STPG2: variants seen among roughly 807,000 people sequenced by gnomAD.
STPG2 encodes the protein sperm-tail PG-rich repeat-containing protein 2.
Under a neutral mutation model 54.2 loss-of-function variants are expected in STPG2, and 56 were observed. That is an observed-to-expected ratio of 1.03 (90% CI 0.83 to 1.29). STPG2 has a LOEUF of 1.29. STPG2 is among the 50% of genes most tolerant of loss of function. STPG2 has a pLI of 0.00. For missense variants in STPG2, 596 were observed against 544.9 expected, an observed-to-expected ratio of 1.09 and a Z score of -0.93; for synonymous variants, 200 against 181.8, an observed-to-expected ratio of 1.10 and a Z score of -0.81.
chr4:97,560,164 G>A (rs1485175266), intron 10 of STPG2, among the ~76,000 whole-genome samples: 1 of 152,158 alleles, frequency 6.6e-6, no homozygotes, highest in African/African-American at 2.4e-5. Flanking sequence ...GGTCTTGGAG[G>A]CAGATGAGTC....
At chr4:98,059,641 CAA>C (rs33990276) in intron 5 of STPG2, among the ~76,000 whole-genome samples, 45,013 of 137,180 alleles carry the variant, frequency 0.33, 7,122 homozygotes, top group Middle Eastern at 0.36. Context: ...AATATCAATG[CAA>C]AAAAAAAAAA....
At chr4:97,864,856 C>T (rs1472132999) in intron 8 of STPG2, among the ~76,000 whole-genome samples, 22 of 151,852 alleles carry the variant, frequency 1.4e-4, no homozygotes, top group Admixed American at 6.6e-5. Context: ...ATTCCCTATT[C>T]AACAAATGGT....
At chr4:97,800,076 C>G (rs1182092303) in intron 9 of STPG2, among the ~76,000 whole-genome samples, 1 of 152,158 alleles carries the variant, frequency 6.6e-6, no homozygotes, top group Non-Finnish European at 1.5e-5. Context: ...TCTAGTTAGC[C>G]ATTCATCTAA....
intron 8 of STPG2, among the ~76,000 whole-genome samples, chr4:97,856,174 T>C (rs964225958): frequency 2.0e-5 from 3 of 152,204 alleles, no homozygotes; most frequent in Non-Finnish European, 4.4e-5. Context: ...CCGTATGAAT[T>C]CTAAAATAGT....
chr4:98,123,340 G>A (rs556273982), intron 3 of STPG2, among the ~76,000 whole-genome samples: 4 of 152,072 alleles, frequency 2.6e-5, no homozygotes, highest in South Asian at 2.1e-4. Context: ...CTATAAATTC[G>A]CTCTTAACAC....
chr4:97,526,255 T>C (rs2148849907), intron 4 of STPG2, among the ~76,000 whole-genome samples: 1 of 152,198 alleles, frequency 6.6e-6, no homozygotes, highest in East Asian at 1.9e-4. Context: ...AGTTAGTTTC[T>C]CTAAAGAGAA....
chr4:97,473,313 C>A (rs1286555077), intron 4 of STPG2, among the ~76,000 whole-genome samples: 3 of 152,140 alleles, frequency 2.0e-5, no homozygotes, highest in African/African-American at 4.8e-5. Flanking sequence ...TCGCTGAATT[C>A]TTTTTCTCAG....
chr4:98,081,278 T>A (rs141960582), intron 5 of STPG2, among the ~76,000 whole-genome samples: 3 of 152,200 alleles, frequency 2.0e-5, no homozygotes, highest in African/African-American at 7.2e-5. Flanking sequence ...TCAGTGTGTG[T>A]TGAGCCCTCC....
At chr4:97,918,868 A>C (rs181621152) in intron 8 of STPG2, among the ~76,000 whole-genome samples, 1 of 152,302 alleles carries the variant, frequency 6.6e-6, no homozygotes, top group African/African-American at 2.4e-5. Context: ...TGCAGTGTAC[A>C]CTGCTCGGGT....
At chr4:97,872,298 C>T (rs751747019) in intron 8 of STPG2, among the ~76,000 whole-genome samples, 6 of 151,034 alleles carry the variant, frequency 4.0e-5, no homozygotes, top group Non-Finnish European at 8.9e-5. Flanking sequence ...TGCAGGAAAA[C>T]AAAAGACATC....
At chr4:97,964,420 A>C (rs1481827013) in intron 7 of STPG2, among the ~76,000 whole-genome samples, 1 of 152,336 alleles carries the variant, frequency 6.6e-6, no homozygotes, top group African/African-American at 2.4e-5. Flanking sequence ...GTGCAAGCAA[A>C]GGTGTGTAGA....
At chr4:98,121,717 G>T (rs1433568406) in intron 3 of STPG2, among the ~76,000 whole-genome samples, 1 of 124,872 alleles carries the variant, frequency 8.0e-6, no homozygotes, top group Admixed American at 7.5e-5. Flanking sequence ...AGGAATGCCT[G>T]TGATTTTTTT....
chr4:97,558,767 G>A (rs748063676), downstream of STPG2: 3 of 301,770 alleles, frequency 9.9e-6, no homozygotes, highest in Non-Finnish European at 1.8e-5. Context: ...TAAATTCCCA[G>A]ACCAAAGAAA....
Position 97,610,663 on chromosome 4 carries a change from C to T in STPG2, c.1321-51546G>A, listed in dbSNP as rs114030451. The stretch of plus-strand genomic sequence containing the variant: ...GAGATCCGGCACCAGTCCAGCACAT[C>T]TCACTAAAGTAATGACTAAGTAGCA... On this transcript the variant is annotated intron_variant, in intron 10 of 10. Transcript: ENST00000295268. Among the ~76,000 whole-genome samples, 681 of 152,136 alleles carry T rather than the reference C, an allele frequency of 4.5e-3. 7 individuals are homozygous for T. Among genetic ancestry groups the T allele is most frequent in the African/African-American group, 0.016 (651 of 41,562 alleles).
At chr4:97,924,005 C>G (rs1192180570) in intron 8 of STPG2, among the ~76,000 whole-genome samples, 1 of 152,156 alleles carries the variant, frequency 6.6e-6, no homozygotes, top group African/African-American at 2.4e-5. Context: ...CTTGGGTCCC[C>G]TTCCACAATG....
intron 10 of STPG2, among the ~76,000 whole-genome samples, chr4:97,641,433 T>C (rs1007951231): frequency 2.0e-5 from 3 of 151,558 alleles, no homozygotes; most frequent in Non-Finnish European, 3.0e-5. Context: ...CTCATGCATA[T>C]ATATAAACAT....
intron 10 of STPG2, among the ~76,000 whole-genome samples, chr4:97,593,116 G>A (rs1733188050): frequency 6.6e-6 from 1 of 152,106 alleles, no homozygotes; most frequent in South Asian, 2.1e-4. Flanking sequence ...CTATTGCAGT[G>A]CAGCCTCAGA....
At chr4:98,110,670 T>TTTTTAATAAA (rs1294507325) in intron 3 of STPG2, among the ~76,000 whole-genome samples, 4 of 152,156 alleles carry the variant, frequency 2.6e-5, no homozygotes, top group African/African-American at 9.7e-5. Flanking sequence ...CTTTACTTCC[T>TTTTTAATAAA]TTTTAATAAA....
chr4:97,713,967 G>C (rs17026880), intron 9 of STPG2, among the ~76,000 whole-genome samples: 1,932 of 152,206 alleles, frequency 0.013, 33 homozygotes, highest in African/African-American at 0.044. Context: ...GACTTAGGAA[G>C]GACACTGTAG....
Sources: gnomAD v4.1 joint callset for allele counts (sites outside exome capture counted in the v4.1 genomes callset) on GRCh38, gnomAD v4.1.1 for gene constraint, MANE v1.5 for transcripts, NCBI Gene and HGNC (gene_info 2026-07-23, HGNC 2026-07-21) for gene names.